Variants in PSG5 observed in about 807,000 individuals in gnomAD.
PSG5 encodes pregnancy-specific beta-1-glycoprotein 5.
Under a neutral mutation model 37.7 loss-of-function variants are expected in PSG5, and 53 were observed. The ratio of observed to expected loss-of-function variants is 1.41; its 90% CI spans 1.13 to 1.77. The LOEUF is 1.77. Among genes scored for constraint, PSG5 ranks in the 40% most tolerant of loss-of-function variants. The probability of loss-of-function intolerance (pLI) is 0.00; values close to 1 mark genes in which losing one functional copy is unlikely to be tolerated. For synonymous variants in PSG5, 221 were observed against 155.4 expected, an observed-to-expected ratio of 1.42 and a Z score of -3.14; for missense variants, 547 against 405.2, an observed-to-expected ratio of 1.35 and a Z score of -3.00.
intron 4 of PSG5, chr19:43,170,766 A>T (rs1196745767): frequency 6.2e-6 from 1 of 160,764 alleles, no homozygotes; most frequent in African/African-American, 2.4e-5. Context: ...AGCTCTGCAT[A>T]GTGGTCTGTG....
At chr19:43,169,724 G>A (rs1968863529) in intron 5 of PSG5, among the ~76,000 whole-genome samples, 1 of 151,702 alleles carries the variant, frequency 6.6e-6, no homozygotes, top group Non-Finnish European at 1.5e-5. Flanking sequence ...ACTTTGAGAA[G>A]TGGTTGAGCT....
Position 43,175,314 on chromosome 19 carries a change from G to A in PSG5, c.865C>T (p.Pro289Ser), listed in dbSNP as rs773425023. The stretch of plus-strand genomic sequence containing the variant: ...CCTCTATGCTTTGTAGTAATTTGGG[G>A]GATAGAGAGCTTTTGTCCTGATTGC... ...FQQSGQKLSI[P>S]QITTKHRGLY... Residue 289 changes from proline (P) to serine (S), a missense_variant, in exon 4 of 6, where the codon CCC (proline) becomes TCC (serine). Physicochemically the swap from Pro to Ser is moderately conservative, Grantham distance 74. Transcript: ENST00000342951. 7.4e-6 allele frequency: 12 copies of A among 1,612,664 alleles called. No individual in the cohort carries two copies. Among genetic ancestry groups the A allele is most frequent in the African/African-American group, 6.7e-5 (5 of 74,572 alleles).
chr19:43,185,309 G>C (rs1217329234), intron 1 of PSG5, among the ~76,000 whole-genome samples, 162 bp from the exon 2 acceptor site: 1 of 151,170 alleles, frequency 6.6e-6, no homozygotes, highest in Non-Finnish European at 1.5e-5. Flanking sequence ...TTGTGTGTGT[G>C]TATGTGTGTG....
intron 2 of PSG5, among the ~76,000 whole-genome samples, chr19:43,184,316 GC>G (rs1969196415): frequency 6.6e-6 from 1 of 151,598 alleles, no homozygotes; most frequent in Non-Finnish European, 1.5e-5. Context: ...AGTAAGGCCT[GC>G]CCAATAAGCC....
chr19:43,176,138 G>C lies in PSG5; in HGVS notation c.441C>G (p.Pro147=), dbSNP rs146572189. 4 of 1,611,152 alleles carry C rather than the reference G, an allele frequency of 2.5e-6. No homozygotes were observed. The African/African-American group carries it at 5.4e-5, about 22-fold the overall frequency. The change falls in exon 3 of 6, where the codon CCC becomes CCG. Residue 147 remains proline (P), a synonymous_variant. Coordinates refer to ENST00000342951, the MANE Select transcript of PSG5 (RefSeq NM_002781.4). ...AGTTGTTGATGGTGATGTAGGGCTT[G>C]GGCAGCTTCACTGTGTGGATAACAG... ...YFTFNLYLKL[P]KPYITINNSK...
chr19:43,182,636 C>A (rs1187545346), intron 2 of PSG5, among the ~76,000 whole-genome samples: 2 of 148,664 alleles, frequency 1.3e-5, no homozygotes, highest in African/African-American at 5.0e-5. Context: ...AATAATAAAC[C>A]TCTGTCCTCC....
chr19:43,178,834 A>T (rs779519100), intron 2 of PSG5: 5 of 1,612,126 alleles, frequency 3.1e-6, no homozygotes. Context: ...GGCCATGTGT[A>T]TTTGGGATGG....
intron 2 of PSG5, among the ~76,000 whole-genome samples, chr19:43,182,666 C>T (rs572191434): frequency 5.1e-5 from 7 of 136,968 alleles, no homozygotes; most frequent in East Asian, 4.8e-4. Context: ...GACTTGGAGT[C>T]GTTAAAATCT....
chr19:43,168,586 A>G (rs10426503), intron 5 of PSG5, among the ~76,000 whole-genome samples: 1,899 of 151,580 alleles, frequency 0.013, 95 homozygotes, highest in African/African-American at 0.044. Context: ...GTTAGCCAGG[A>G]TGGTCTCGAT....
At position 43,185,045 on chromosome 19, in the gene PSG5, T is replaced by C. The variant is rs1966902099; in HGVS notation, c.167A>G (p.His56Arg). ...SEGKDVLLLV[H>R]NLPQNLAGYI... is the part of the protein sequence containing the mutation. ...GCCAGCAAGATTCTGAGGCAAATTG[T>C]GGACAAGTAGAAGAACATCCTTCCC... is the stretch of plus-strand genomic sequence containing the variant. The change falls in exon 2 of 6, where the codon CAC becomes CGC. Residue 56 changes from histidine (H) to arginine (R), a missense_variant. Coordinates refer to ENST00000342951, the MANE Select transcript of PSG5 (RefSeq NM_002781.4). The C allele has an allele frequency of 6.2e-7, 1 of 1,612,466 alleles. No homozygotes were observed. Among genetic ancestry groups the C allele is most frequent in the Non-Finnish European group, 8.5e-7 (1 of 1,179,194 alleles).
intron 2 of PSG5, chr19:43,183,173 C>T: frequency 3.8e-6 from 1 of 266,298 alleles, no homozygotes; most frequent in South Asian, 3.6e-5. Flanking sequence ...CAGGGACCAG[C>T]TGCCCCCAGT....
At chr19:43,173,056 C>T (rs1287219580) in intron 4 of PSG5, among the ~76,000 whole-genome samples, 1 of 151,510 alleles carries the variant, frequency 6.6e-6, no homozygotes, top group Non-Finnish European at 1.5e-5. Flanking sequence ...TATCATAGCC[C>T]AGAAAGAAAT....
chr19:43,178,766 G>A, intron 2 of PSG5: 10 of 1,605,540 alleles, frequency 6.2e-6, no homozygotes, highest in Non-Finnish European at 7.7e-6. Flanking sequence ...CAGCTTTGAT[G>A]TCCAGGGGTA....
chr19:43,173,829 A>G (rs1968950764), intron 4 of PSG5, among the ~76,000 whole-genome samples: 1 of 151,588 alleles, frequency 6.6e-6, no homozygotes, highest in African/African-American at 2.4e-5. Flanking sequence ...AAAATTAAAC[A>G]ATAACTTACC....
intron 2 of PSG5, among the ~76,000 whole-genome samples, chr19:43,181,829 A>G (rs1373197725): frequency 6.6e-6 from 1 of 151,684 alleles, no homozygotes; most frequent in Admixed American, 6.6e-5. Flanking sequence ...CCGAGTGACA[A>G]ATTTCAAGCT....
chr19:43,182,953 G>T (rs1204584329), intron 2 of PSG5, among the ~76,000 whole-genome samples: 5 of 150,050 alleles, frequency 3.3e-5, no homozygotes, highest in African/African-American at 1.2e-4. Flanking sequence ...CCTGGGAGGT[G>T]GGCCAGGCCA....
chr19:43,179,073 G>T, intron 2 of PSG5: 2 of 1,612,066 alleles, frequency 1.2e-6, no homozygotes, highest in Non-Finnish European at 8.5e-7. Context: ...GTCTGAAGCC[G>T]CAGGATCACA....
chr19:43,185,080 T>G lies in PSG5; in HGVS notation c.132A>C (p.Lys44Asn), dbSNP rs762173917. 6 of 1,612,154 alleles carry G rather than the reference T, an allele frequency of 3.7e-6. No individual in the cohort carries two copies. The highest frequency in any genetic ancestry group is 5.1e-6 in the Non-Finnish European group (6 of 1,178,906). Residue 44 changes from lysine to asparagine, a missense_variant, in exon 2 of 6, where the codon AAA (lysine) becomes AAC (asparagine). By Grantham distance (94) the Lys-to-Asn change is moderately conservative. Coordinates refer to ENST00000342951, the MANE Select transcript of PSG5 (RefSeq NM_002781.4). ...GAAGAACATCCTTCCCCTCGGAAAC[T>G]TTGGGTGGCAGGGCTTCAATCGTGA... ...AQVTIEALPP[K>N]VSEGKDVLLL...
At chr19:43,185,442 C>A (rs10408535) in intron 1 of PSG5, among the ~76,000 whole-genome samples, 97,605 of 140,804 alleles carry the variant, frequency 0.69, 33,872 homozygotes, top group East Asian at 0.98. Context: ...CCCCCCCCCC[C>A]ACACTGCCCT....
Sources: gnomAD v4.1 joint callset for allele counts (sites outside exome capture counted in the v4.1 genomes callset) on GRCh38, gnomAD v4.1.1 for gene constraint, MANE v1.5 for transcripts, NCBI Gene and HGNC (gene_info 2026-07-23, HGNC 2026-07-21) for gene names.